PCDHA13: variants seen among roughly 807,000 people sequenced by gnomAD.
PCDHA13 encodes protocadherin alpha 13.
In PCDHA13, 54 loss-of-function variants were observed where a neutral mutation model predicts 64.8. That is an observed-to-expected ratio of 0.83 (90% CI 0.67 to 1.04). PCDHA13 has a LOEUF of 1.04. PCDHA13 is among the 50% of genes least tolerant of loss of function. The probability of loss-of-function intolerance (pLI) is 0.00; values close to 1 mark genes in which losing one functional copy is unlikely to be tolerated. For missense variants in PCDHA13, 1,248 were observed against 1,254.3 expected, an observed-to-expected ratio of 0.99 and a Z score of 0.08; for synonymous variants, 587 against 564.4, an observed-to-expected ratio of 1.04 and a Z score of -0.57.
At chr5:140,955,130 T>A (rs1173088504) in intron 1 of PCDHA13, among the ~76,000 whole-genome samples, 1 of 152,228 alleles carries the variant, frequency 6.6e-6, no homozygotes, top group African/African-American at 2.4e-5. Context: ...TCCACTGGTC[T>A]ACACGTCTGT....
chr5:140,891,912 T>C (rs2063306720), intron 1 of PCDHA13, among the ~76,000 whole-genome samples: 1 of 152,244 alleles, frequency 6.6e-6, no homozygotes, highest in Admixed American at 6.5e-5. Context: ...CTTCACCAGA[T>C]GCTGGTGCCT....
chr5:140,924,996 T>G (rs960105846), intron 1 of PCDHA13, among the ~76,000 whole-genome samples: 1 of 151,078 alleles, frequency 6.6e-6, no homozygotes, highest in African/African-American at 2.4e-5. Flanking sequence ...ATCCTAGCAC[T>G]TTAGGAGGCT....
chr5:140,959,842 C>G (rs1219308136), intron 1 of PCDHA13, among the ~76,000 whole-genome samples: 2 of 152,118 alleles, frequency 1.3e-5, no homozygotes, highest in African/African-American at 4.8e-5. Context: ...ATGCCTGTAA[C>G]TGCTAAAGGA....
Position 140,929,404 on chromosome 5 carries a change from G to A in PCDHA13, c.2394+44742G>A, listed in dbSNP as rs530409256. 1.4e-5 allele frequency: 21 copies of A among 1,506,596 alleles called. No individual in the cohort carries two copies. The South Asian group carries it at 1.9e-4, about 14-fold the overall frequency. The allele number at this position is 1,506,596 out of a possible 1,614,324, so 93.3% of individuals were successfully genotyped here. A position where few individuals can be genotyped will look rare whatever the true frequency, so the allele number is the denominator to read the frequency against. ...GTGTTTTGAAATATTTCTTAGACAAGCCTTTCACAACATTTCATCAATTGA... is the reference window on the plus strand; with the variant it reads ...GTGTTTTGAAATATTTCTTAGACAAACCTTTCACAACATTTCATCAATTGA... On this transcript the variant is annotated intron_variant, in intron 1 of 3. Coordinates refer to ENST00000289272, the MANE Select transcript of PCDHA13 (RefSeq NM_018904.3).
rs782026939 is a variant in PCDHA13, at chr5:140,883,016, A to T, written c.748A>T (p.Thr250Ser). 6.8e-6 allele frequency: 11 copies of T among 1,614,158 alleles called. No individual in the cohort carries two copies. The Admixed American group carries it at 1.7e-4, about 24-fold the overall frequency. Residue 250 changes from threonine to serine, a missense_variant, in exon 1 of 4, where the codon ACG becomes TCG. Coordinates refer to ENST00000289272, the MANE Select transcript of PCDHA13 (RefSeq NM_018904.3). ...PEFYQSVYKV[T>S]VLENAFNGTL... is the part of the protein sequence containing the mutation. ...ATTTTACCAATCCGTTTATAAAGTG[A>T]CGGTGTTAGAGAACGCCTTCAATGG...
intron 1 of PCDHA13, among the ~76,000 whole-genome samples, chr5:140,946,059 G>GA (rs2093880331): frequency 6.6e-6 from 1 of 152,156 alleles, no homozygotes; most frequent in East Asian, 1.9e-4. Flanking sequence ...CAGAATGGGA[G>GA]AAAATATTTG....
chr5:140,896,242 C>T (rs1228427310), intron 1 of PCDHA13, among the ~76,000 whole-genome samples: 2 of 152,154 alleles, frequency 1.3e-5, no homozygotes, highest in Non-Finnish European at 2.9e-5. Flanking sequence ...GACTTATATT[C>T]CTTTGGTTAT....
chr5:140,927,409 A>G lies in PCDHA13; in HGVS notation c.2394+42747A>G. The G allele has an allele frequency of 4.3e-6, 7 of 1,614,120 alleles. No individual in the cohort carries two copies. Among genetic ancestry groups the G allele is most frequent in the Non-Finnish European group, 5.9e-6 (7 of 1,179,964 alleles). On this transcript the variant is annotated intron_variant, in intron 1 of 3. Coordinates refer to ENST00000289272, the MANE Select transcript of PCDHA13 (RefSeq NM_018904.3). ...CCCCAGTCAGCACTTTCGCCTGGAC[A>G]TGGGATCGCGGGTTGACGGCAGCGA...
chr5:140,985,650 A>G (rs2097162504), intron 3 of PCDHA13, among the ~76,000 whole-genome samples: 2 of 151,684 alleles, frequency 1.3e-5, no homozygotes, highest in South Asian at 4.2e-4. Context: ...AACACTTGCA[A>G]TGGCTGAATA....
chr5:140,949,172 A>G (rs574592967), intron 1 of PCDHA13, among the ~76,000 whole-genome samples: 3 of 151,856 alleles, frequency 2.0e-5, no homozygotes, highest in African/African-American at 7.2e-5. Context: ...TCTTTTGGTC[A>G]GAGAACATAC....
At chr5:140,993,621 A>G (rs531527051) in intron 3 of PCDHA13, among the ~76,000 whole-genome samples, 7 of 152,190 alleles carry the variant, frequency 4.6e-5, no homozygotes, top group African/African-American at 1.7e-4. Flanking sequence ...GGGACCCTCT[A>G]TATATAGTCG....
chr5:140,899,468 G>C (rs1243330987), intron 1 of PCDHA13, among the ~76,000 whole-genome samples: 2 of 152,080 alleles, frequency 1.3e-5, no homozygotes, highest in African/African-American at 4.8e-5. Context: ...TTTGTCTTTG[G>C]TTCTGTTTAT....
At chr5:140,911,607 T>C (rs1309017145) in intron 1 of PCDHA13, among the ~76,000 whole-genome samples, 1 of 152,222 alleles carries the variant, frequency 6.6e-6, no homozygotes, top group African/African-American at 2.4e-5. Context: ...CTTCATTATG[T>C]TCCTTAGTTC....
In PCDHA13 at chr5:140,883,758, G is replaced by T; in HGVS notation, c.1490G>T (p.Arg497Leu). Residue 497 changes from arginine (R) to leucine (L), a missense_variant, in exon 1 of 4, where the codon CGG (arginine) becomes CTG (leucine). Arg to Leu is a moderately radical substitution (Grantham distance 102). Transcript: ENST00000289272. ...NALVSYSLVERRVGERALSSY... is the reference protein window; with the variant it reads ...NALVSYSLVELRVGERALSSY... The stretch of plus-strand genomic sequence containing the variant: ...CTGGTCTCCTACTCGCTGGTGGAGC[G>T]GCGGGTGGGCGAGCGTGCGCTGTCG... 6.2e-7 allele frequency: 1 copy of T among 1,612,920 alleles called. No homozygotes were observed. Among genetic ancestry groups the T allele is most frequent in the Non-Finnish European group, 8.5e-7 (1 of 1,179,770 alleles).
intron 1 of PCDHA13, among the ~76,000 whole-genome samples, chr5:140,935,340 C>T (rs781819548): frequency 3.3e-5 from 5 of 152,172 alleles, no homozygotes; most frequent in African/African-American, 7.2e-5. Context: ...TTCTCCCATA[C>T]GTCAAATCCC....
intron 3 of PCDHA13, among the ~76,000 whole-genome samples, chr5:141,008,156 G>A (rs1231186640): frequency 6.6e-6 from 1 of 152,150 alleles, no homozygotes; most frequent in Non-Finnish European, 1.5e-5. Context: ...GGTTTGATAA[G>A]ATGAGGACTA....
In PCDHA13 at chr5:140,883,888, T is replaced by G. The variant is rs781919107; in HGVS notation, c.1620T>G (p.Ser540=). The part of the protein sequence containing the change: ...LLQFQVSARD[S]GVPPLGSNVT... ...AGTTCCAGGTGAGCGCGCGCGACTC[T>G]GGCGTGCCGCCTCTGGGCAGCAACG... The change falls in exon 1 of 4, where the codon TCT becomes TCG. Residue 540 remains serine, a synonymous_variant. Transcript: ENST00000289272. 33 of 1,612,942 alleles carry G rather than the reference T, an allele frequency of 2.0e-5. No individual in the cohort carries two copies. In the African/African-American group the frequency reaches 2.1e-4, roughly 10 times the overall value.
chr5:140,892,901 C>G (rs994625869), intron 1 of PCDHA13, among the ~76,000 whole-genome samples: 1 of 152,196 alleles, frequency 6.6e-6, no homozygotes, highest in African/African-American at 2.4e-5. Flanking sequence ...CTTTCCCCAT[C>G]CTCCTTTTCC....
chr5:140,974,744 T>A (rs966437450), intron 1 of PCDHA13, among the ~76,000 whole-genome samples: 11 of 152,144 alleles, frequency 7.2e-5, no homozygotes, highest in African/African-American at 2.4e-4. Context: ...CACCTTGGCC[T>A]CCCAAAGTGC....
Sources: gnomAD v4.1 joint callset for allele counts (sites outside exome capture counted in the v4.1 genomes callset) on GRCh38, gnomAD v4.1.1 for gene constraint, MANE v1.5 for transcripts, NCBI Gene and HGNC (gene_info 2026-07-23, HGNC 2026-07-21) for gene names.